The following ZNF536 variants were observed in gnomAD, a reference collection of about 807,000 sequenced individuals.
ZNF536 encodes zinc finger protein 536.
ZNF536 carries 13 observed loss-of-function variants against 84.5 expected under a neutral mutation model. The observed-to-expected ratio is 0.15, with a 90% CI of 0.10 to 0.24. The LOEUF is 0.24. Ranked by LOEUF, ZNF536 falls within the 10% of genes least tolerant of loss-of-function variation. ZNF536 has a pLI of 1.00. For missense variants in ZNF536, 1,536 were observed against 1,747.5 expected (o/e 0.88, Z 2.16); for synonymous variants, 811 against 742.5 (o/e 1.09, Z -1.50).
intron 4 of ZNF536, among the ~76,000 whole-genome samples, chr19:30,553,275 A>C (rs1007708034): frequency 6.6e-6 from 1 of 152,214 alleles, no homozygotes; most frequent in Middle Eastern, 3.2e-3. Context: ...ATGCTAATGC[A>C]CTGTTGGGTC....
intron 2 of ZNF536, among the ~76,000 whole-genome samples, chr19:30,329,845 G>A (rs114863196): frequency 6.6e-6 from 1 of 152,092 alleles, no homozygotes; most frequent in East Asian, 1.9e-4. Flanking sequence ...TTGGTGGGGG[G>A]ATACTTTCTC....
chr19:30,440,779 G>T (rs750922242), intron 1 of ZNF536, among the ~76,000 whole-genome samples: 3 of 152,028 alleles, frequency 2.0e-5, no homozygotes, highest in Non-Finnish European at 4.4e-5. Context: ...TGAAAGAGCC[G>T]GGGCAGCATG....
chr19:30,702,722 C>T (rs560848497), intron 1 of ZNF536, among the ~76,000 whole-genome samples: 1 of 152,308 alleles, frequency 6.6e-6, no homozygotes, highest in East Asian at 1.9e-4. Flanking sequence ...TGCTTCTGTG[C>T]CTGGGCTCAG....
At chr19:30,391,242 C>T (rs1288672264) in intron 1 of ZNF536, among the ~76,000 whole-genome samples, 2 of 152,196 alleles carry the variant, frequency 1.3e-5, no homozygotes, top group East Asian at 1.9e-4. Flanking sequence ...CCAAAGGGCC[C>T]ACCTTCTGCC....
At chr19:30,672,187 T>C (rs1263903788) in intron 1 of ZNF536, among the ~76,000 whole-genome samples, 1 of 152,244 alleles carries the variant, frequency 6.6e-6, no homozygotes, top group Non-Finnish European at 1.5e-5. Flanking sequence ...TATTCTGCAA[T>C]TCAGAACTTC....
At chr19:30,325,054 G>A (rs2046978844) in intron 2 of ZNF536, among the ~76,000 whole-genome samples, 1 of 152,208 alleles carries the variant, frequency 6.6e-6, no homozygotes, top group Non-Finnish European at 1.5e-5. Context: ...TCCTTGGCCT[G>A]GGGAGCCTTG....
intron 1 of ZNF536, among the ~76,000 whole-genome samples, chr19:30,707,468 C>T (rs2052288420): frequency 6.6e-6 from 1 of 152,174 alleles, no homozygotes; most frequent in Non-Finnish European, 1.5e-5. Context: ...TGGGCAGTCA[C>T]CCTGGGGACT....
rs186658868 is a variant in ZNF536 at position 30,339,187 on chromosome 19, G to C, written c.-119-13181G>C. On this transcript the variant is annotated intron_variant, in intron 2 of 5. Coordinates refer to the ZNF536 transcript ENST00000585628. ...TGGAGCAGTGAAAAAAGGGGAGAGC[G>C]TCCCAGATTTAAATTTGGAATCCGC... Among the ~76,000 whole-genome samples the C allele has an allele frequency of 2.0e-5, 3 of 152,218 alleles. No homozygotes were observed. The East Asian group carries it at 5.8e-4, about 29-fold the overall frequency.
chr19:30,293,412 C>A (rs1290884351), intron 2 of ZNF536, among the ~76,000 whole-genome samples: 1 of 152,172 alleles, frequency 6.6e-6, no homozygotes, highest in Admixed American at 6.5e-5. Context: ...CCATCAGTCC[C>A]AAGTACTTAG....
chr19:30,646,836 G>A (rs1391445595), intron 1 of ZNF536, among the ~76,000 whole-genome samples: 9 of 152,084 alleles, frequency 5.9e-5, no homozygotes, highest in Non-Finnish European at 7.4e-5. Flanking sequence ...GCGCATTTCC[G>A]AAGCAAGGCT....
intron 1 of ZNF536, among the ~76,000 whole-genome samples, chr19:30,389,288 G>T (rs1174164650): frequency 6.6e-6 from 1 of 152,130 alleles, no homozygotes; most frequent in African/African-American, 2.4e-5. Context: ...TCGTGTATAG[G>T]GTACATTTGG....
intron 4 of ZNF536, among the ~76,000 whole-genome samples, chr19:30,551,224 C>A (rs1305798802): frequency 1.3e-5 from 2 of 150,654 alleles, no homozygotes; most frequent in Non-Finnish European, 2.9e-5. Flanking sequence ...AAGATCAAAA[C>A]CTGGCATGTT....
chr19:30,446,591 A>C (rs1034609245), intron 2 of ZNF536, among the ~76,000 whole-genome samples: 1 of 152,080 alleles, frequency 6.6e-6, no homozygotes, highest in Non-Finnish European at 1.5e-5. Context: ...AACGTGGCTC[A>C]CCTGCCAGAT....
intron 1 of ZNF536, among the ~76,000 whole-genome samples, chr19:30,670,871 G>C (rs2050525502): frequency 6.6e-6 from 1 of 152,166 alleles, no homozygotes; most frequent in Non-Finnish European, 1.5e-5. Flanking sequence ...AAGGTACTCT[G>C]TCCACTCTAT....
intron 2 of ZNF536, among the ~76,000 whole-genome samples, chr19:30,330,888 C>G (rs2047189794): frequency 6.6e-6 from 1 of 152,156 alleles, no homozygotes; most frequent in African/African-American, 2.4e-5. Context: ...AACATAACTT[C>G]ACTGCTCCGC....
chr19:30,232,888 A>G (rs997727139), intron 1 of ZNF536, among the ~76,000 whole-genome samples: 46 of 152,206 alleles, frequency 3.0e-4, no homozygotes, highest in Non-Finnish European at 5.1e-4. Flanking sequence ...ATAATCAAAA[A>G]TGTCTCCAGA....
At chr19:30,269,952 T>C (rs1430683249) in intron 1 of ZNF536, among the ~76,000 whole-genome samples, 2 of 152,228 alleles carry the variant, frequency 1.3e-5, no homozygotes, top group Non-Finnish European at 2.9e-5. Flanking sequence ...GTTTTTGTTT[T>C]GGTTGTGATC....
chr19:30,705,676 C>G (rs73927162), intron 1 of ZNF536, among the ~76,000 whole-genome samples: 150 of 152,222 alleles, frequency 9.9e-4, no homozygotes, highest in African/African-American at 3.0e-3. Flanking sequence ...TCTTTAGGTA[C>G]TATCAGTATT....
intron 1 of ZNF536, among the ~76,000 whole-genome samples, chr19:30,674,424 G>T (rs1367368709): frequency 6.6e-6 from 1 of 152,204 alleles, no homozygotes; most frequent in South Asian, 2.1e-4. Context: ...ACCTTGGCTG[G>T]TCCTACTCTC....
Sources: gnomAD v4.1 joint callset for allele counts (sites outside exome capture counted in the v4.1 genomes callset) on GRCh38, gnomAD v4.1.1 for gene constraint, MANE v1.5 for transcripts, NCBI Gene and HGNC (gene_info 2026-07-23, HGNC 2026-07-21) for gene names.